The following HIBCH variants were observed in gnomAD, a reference collection of about 807,000 sequenced individuals.
HIBCH encodes the protein 3-hydroxyisobutyryl-CoA hydrolase, also known as 3-hydroxyisobutyryl-CoA hydrolase, mitochondrial.
Under a neutral mutation model 58.2 loss-of-function variants are expected in HIBCH, and 50 were observed. The observed-to-expected ratio is 0.86, with a 90% confidence interval of 0.68 to 1.09. The LOEUF (loss-of-function observed/expected upper bound fraction) is 1.09, where lower values mean the gene tolerates loss of function less well. HIBCH is among the 50% of genes least tolerant of loss of function. HIBCH has a pLI of 0.00. For synonymous variants in HIBCH, 151 were observed against 146.9 expected, an observed-to-expected ratio of 1.03 and a Z score of -0.20; for missense variants, 450 against 449.7, an observed-to-expected ratio of 1.00 and a Z score of -0.01.
chr2:190,233,812 G>C (rs6709330), intron 11 of HIBCH, among the ~76,000 whole-genome samples: 1 of 152,104 alleles, frequency 6.6e-6, no homozygotes, highest in South Asian at 2.1e-4. Context: ...AATTAAAACC[G>C]TAATGTCATG....
In HIBCH at chr2:190,217,259, G is replaced by A. The variant is rs1232064918; in HGVS notation, c.892-4184C>T. ...AACACTTTCTGAGACTGAGGCAGGTGGATCACCTGAGGTCAAGAGTTCAAG... is the reference window on the plus strand; with the variant it reads ...AACACTTTCTGAGACTGAGGCAGGTAGATCACCTGAGGTCAAGAGTTCAAG... On this transcript the variant is annotated intron_variant, in intron 11 of 13. Coordinates refer to ENST00000359678, the MANE Select transcript of HIBCH (RefSeq NM_014362.4). The surrounding 1 kb of genome is among the most constrained non-coding windows in gnomAD (Gnocchi z 4.6). 6.6e-6 allele frequency among the ~76,000 whole-genome samples: 1 copy of A among 152,148 alleles called. No homozygotes were observed. Among genetic ancestry groups the A allele is most frequent in the African/African-American group, 2.4e-5 (1 of 41,430 alleles).
chr2:190,248,545 T>C (rs1283918973), intron 9 of HIBCH, among the ~76,000 whole-genome samples: 2 of 152,192 alleles, frequency 1.3e-5, no homozygotes, highest in South Asian at 2.1e-4. Flanking sequence ...TACTGGAAGA[T>C]AGCTACTCTC....
rs1348830504 is a variant in HIBCH, at chr2:190,262,176, AAG to A, written c.439-944_439-943del. On this transcript the variant is annotated intron_variant, in intron 6 of 13. Transcript: ENST00000359678. ...ATGCGGTAGAGACAAAAAAAAAAAA[AAG>A]AAAAGAAAAGAAAAGAAAAAAACCC... is the stretch of plus-strand genomic sequence containing the variant. Among the ~76,000 whole-genome samples the A allele has an allele frequency of 2.6e-4, 34 of 129,850 alleles. 1 individual carries two copies. The highest frequency in any genetic ancestry group is 7.0e-4 in the Admixed American group (9 of 12,846). 85.2% of individuals were successfully genotyped at this position (129,850 alleles called of 152,430 possible).
intron 6 of HIBCH, among the ~76,000 whole-genome samples, chr2:190,278,738 CAAA>C (rs34358967): frequency 6.3e-5 from 5 of 79,646 alleles, no homozygotes; most frequent in Admixed American, 1.4e-4. Flanking sequence ...GACTCCATCT[CAAA>C]AAAAAAAAAA....
At chr2:190,222,779 C>G (rs1325011761) in intron 11 of HIBCH, among the ~76,000 whole-genome samples, 1 of 152,198 alleles carries the variant, frequency 6.6e-6, no homozygotes, top group African/African-American at 2.4e-5. Flanking sequence ...GGGTATATAC[C>G]CAAAGGATTA....
intron 8 of HIBCH, chr2:190,250,395 TGA>T: frequency 6.4e-6 from 3 of 470,052 alleles, no homozygotes; most frequent in Non-Finnish European, 1.3e-5. Flanking sequence ...CTCTGCCAGA[TGA>T]GAGAGATGGT....
At chr2:190,219,320 C>T (rs1054893005) in intron 11 of HIBCH, among the ~76,000 whole-genome samples, 6 of 151,966 alleles carry the variant, frequency 3.9e-5, no homozygotes, top group African/African-American at 1.2e-4. Flanking sequence ...AAGGAAATAA[C>T]GTATACCATG....
chr2:190,232,457 G>A (rs1204581645), intron 11 of HIBCH, among the ~76,000 whole-genome samples: 1 of 152,128 alleles, frequency 6.6e-6, no homozygotes, highest in Non-Finnish European at 1.5e-5. Flanking sequence ...AGTCTCTAAT[G>A]CACTTCACAA....
chr2:190,302,220 A>G (rs1256979349), intron 2 of HIBCH, among the ~76,000 whole-genome samples: 1 of 152,204 alleles, frequency 6.6e-6, no homozygotes, highest in Non-Finnish European at 1.5e-5. Flanking sequence ...AAGAGCAAGC[A>G]CTTCTAGTGA....
intron 1 of HIBCH, among the ~76,000 whole-genome samples, chr2:190,198,470 G>A (rs1690080779): frequency 1.3e-5 from 2 of 151,824 alleles, no homozygotes; most frequent in African/African-American, 4.8e-5. Context: ...GCAAAACCCT[G>A]TCTCTACAAA....
At chr2:190,227,664 G>C (rs1179448753) in intron 11 of HIBCH, among the ~76,000 whole-genome samples, 2 of 152,082 alleles carry the variant, frequency 1.3e-5, no homozygotes, top group East Asian at 3.8e-4. Context: ...ATCTGACAAA[G>C]GGCTAATATC....
chr2:190,213,239 C>T lies in HIBCH; in HGVS notation c.892-164G>A, dbSNP rs148595601. Reference sequence around the variant, plus strand: ...AAGCACCAAACAAAACTTTTCTAATCTGCTACAAAAACAAAACATCATTCC... The same window carrying T: ...AAGCACCAAACAAAACTTTTCTAATTTGCTACAAAAACAAAACATCATTCC... On this transcript the variant is annotated intron_variant, in intron 11 of 13. Transcript: ENST00000359678. The T allele has an allele frequency of 3.1e-4, 190 of 605,166 alleles. No homozygotes were observed. In the African/African-American group the frequency reaches 3.3e-3, roughly 10 times the overall value. The allele number at this position is 605,166 out of a possible 1,614,324, so 37.5% of individuals were successfully genotyped here. A position where few individuals can be genotyped will look rare whatever the true frequency, so the allele number is the denominator to read the frequency against.
intron 9 of HIBCH, among the ~76,000 whole-genome samples, chr2:190,248,484 C>A (rs747232215): frequency 6.6e-6 from 1 of 152,146 alleles, no homozygotes; most frequent in Non-Finnish European, 1.5e-5. Flanking sequence ...GTCAGCTAGA[C>A]CTGCCTGATT....
intron 11 of HIBCH, among the ~76,000 whole-genome samples, chr2:190,222,167 C>T (rs906011145): frequency 6.6e-6 from 1 of 152,162 alleles, no homozygotes; most frequent in Non-Finnish European, 1.5e-5. Flanking sequence ...CAGAGTTTTG[C>T]TCCCGTCAGT....
In HIBCH at chr2:190,243,887, T is replaced by C. The variant is rs1401944136; in HGVS notation, c.891+1000A>G. Among the ~76,000 whole-genome samples the C allele has an allele frequency of 1.3e-5, 2 of 152,146 alleles. No homozygotes were observed. Among genetic ancestry groups the C allele is most frequent in the African/African-American group, 4.8e-5 (2 of 41,424 alleles). On this transcript the variant is annotated intron_variant, in intron 11 of 13. Coordinates refer to ENST00000359678, the MANE Select transcript of HIBCH (RefSeq NM_014362.4). This position sits in a 1 kb window ranked among gnomAD's most constrained non-coding sequence, Gnocchi z 4.1. ...CAGGAGGCTGAGGTGTGAGGATTGC[T>C]TGAGCCTGGGAGGCTGAGGCTGCAG... is the stretch of plus-strand genomic sequence containing the variant.
chr2:190,316,985 T>C (rs1180576566), intron 1 of HIBCH, among the ~76,000 whole-genome samples: 1 of 152,202 alleles, frequency 6.6e-6, no homozygotes, highest in East Asian at 1.9e-4. Context: ...GGCACAATCA[T>C]AGTTCACTGT....
intron 6 of HIBCH, among the ~76,000 whole-genome samples, chr2:190,274,664 A>G (rs966961257): frequency 1.3e-5 from 2 of 152,226 alleles, no homozygotes; most frequent in Non-Finnish European, 2.9e-5. Context: ...TGTATACCTC[A>G]TGTATACACA....
At chr2:190,313,033 A>G (rs1292480407) in intron 1 of HIBCH, among the ~76,000 whole-genome samples, 1 of 152,252 alleles carries the variant, frequency 6.6e-6, no homozygotes, top group Non-Finnish European at 1.5e-5. Context: ...TGGGAGGCAG[A>G]GTGTAGAAAG....
Position 190,290,465 on chromosome 2 carries a change from C to G in HIBCH, c.325G>C (p.Ala109Pro). The change falls in exon 5 of 14, where the codon GCA becomes CCA. Residue 109 changes from alanine to proline, a missense_variant. Transcript: ENST00000359678. ...AAAACTGGAGCTATCTTCTGTTTTGCCTTTTCAGCTTCCGAGATCACTAGG... is the reference window on the plus strand; with the variant it reads ...AAAACTGGAGCTATCTTCTGTTTTGGCTTTTCAGCTTCCGAGATCACTAGG... Reference protein sequence around the residue: ...DIRVISEAEKAKQKIAPVFFR... With the variant: ...DIRVISEAEKPKQKIAPVFFR... The G allele has an allele frequency of 6.2e-7, 1 of 1,610,216 alleles. No homozygotes were observed. The highest frequency in any genetic ancestry group is 2.2e-5 in the East Asian group (1 of 44,798).
Sources: allele counts gnomAD v4.1 joint callset (sites outside exome capture counted in the v4.1 genomes callset), GRCh38; gene constraint gnomAD v4.1.1; non-coding constraint Gnocchi (gnomAD v3.1); transcripts MANE v1.5; gene names NCBI Gene and HGNC (gene_info 2026-07-23, HGNC 2026-07-21).